The following PPP1R2 variants were observed in gnomAD, a reference collection of about 807,000 sequenced individuals.
PPP1R2 encodes the protein protein phosphatase 1 regulatory inhibitor subunit 2.
In PPP1R2, 16 loss-of-function variants were observed where a neutral mutation model predicts 29.9. That is an observed-to-expected ratio of 0.53 (90% CI 0.36 to 0.81). The LOEUF (loss-of-function observed/expected upper bound fraction) is 0.81. PPP1R2 is among the 30% of genes least tolerant of loss of function. The pLI, the probability that PPP1R2 is intolerant of heterozygous loss-of-function variation, is 0.00. For synonymous variants in PPP1R2, 76 were observed against 91.5 expected (o/e 0.83, Z 0.96); for missense variants, 197 against 252.7 (o/e 0.78, Z 1.49).
Position 195,524,303 on chromosome 3 carries a change from CTT to C in PPP1R2, c.308+514_308+515del, listed in dbSNP as rs376008701. Among the ~76,000 whole-genome samples, 732 of 152,312 alleles carry C rather than the reference CTT, an allele frequency of 4.8e-3. 11 individuals carry two copies. Among genetic ancestry groups the C allele is most frequent in the African/African-American group, 0.017 (706 of 41,562 alleles). The stretch of plus-strand genomic sequence containing the variant: ...TTAGGAGGCTGAAACCAGCGGATCT[CTT>C]GAGGTCAAGAGTTCGAGACCAGCCT... On this transcript the variant is annotated intron_variant, in intron 3 of 5. Transcript: ENST00000618156.
At chr3:195,537,234 G>A (rs1719424000) in intron 1 of PPP1R2, among the ~76,000 whole-genome samples, 2 of 151,878 alleles carry the variant, frequency 1.3e-5, no homozygotes, top group South Asian at 2.1e-4. Flanking sequence ...CTTAATGACT[G>A]TATAAGATTC....
intron 2 of PPP1R2, chr3:195,527,977 T>C (rs1719035650): frequency 3.1e-6 from 1 of 321,266 alleles, no homozygotes; most frequent in Non-Finnish European, 6.1e-6. Flanking sequence ...ATTGTAATTT[T>C]ATTGTTTTTC....
At chr3:195,518,866 C>T in intron 5 of PPP1R2, 152 bp downstream of exon 5, 3 of 1,136,318 alleles carry the variant, frequency 2.6e-6, no homozygotes, top group Non-Finnish European at 3.7e-6. Context: ...CTGAAATTGG[C>T]CATGCGGGTT....
intron 1 of PPP1R2, among the ~76,000 whole-genome samples, chr3:195,533,993 C>T (rs1272737164): frequency 2.0e-5 from 3 of 152,110 alleles, no homozygotes; most frequent in East Asian, 1.9e-4. Flanking sequence ...AGGCTGCAGA[C>T]GAGTTCCCAG....
intron 2 of PPP1R2, 22 bp downstream of exon 2, chr3:195,529,772 A>C: frequency 6.8e-7 from 1 of 1,475,802 alleles, no homozygotes; most frequent in Non-Finnish European, 9.2e-7. Context: ...TCACAAGAGG[A>C]ATGACGTCTA....
chr3:195,533,219 C>A (rs1719252703), intron 1 of PPP1R2, among the ~76,000 whole-genome samples: 1 of 152,076 alleles, frequency 6.6e-6, no homozygotes, highest in Non-Finnish European at 1.5e-5. Flanking sequence ...GTGGCTTGCG[C>A]TTGTAGTCCT....
chr3:195,528,074 T>C (rs1719040522), intron 2 of PPP1R2, among the ~76,000 whole-genome samples: 2 of 152,156 alleles, frequency 1.3e-5, no homozygotes, highest in African/African-American at 4.8e-5. Flanking sequence ...TGGTAATTGC[T>C]GAGATTTTGG....
At chr3:195,538,230 T>C (rs956845036) in intron 1 of PPP1R2, among the ~76,000 whole-genome samples, 2 of 152,234 alleles carry the variant, frequency 1.3e-5, no homozygotes, top group East Asian at 3.8e-4. Context: ...CACTTTTACT[T>C]TGTTAGCTCA....
Position 195,543,272 on chromosome 3 carries a change from C to G in PPP1R2, c.-247G>C, listed in dbSNP as rs1424543351. ...AGCCACTGGCACTTGACCCGCGGCT[C>G]GCGGAGAGACGCCGGCCTAGAGCTC... On this transcript the variant is annotated 5_prime_UTR_variant, in exon 1 of 6. Transcript: ENST00000618156. 7 of 381,846 alleles carry G rather than the reference C, an allele frequency of 1.8e-5. No individual in the cohort carries two copies. Among genetic ancestry groups the G allele is most frequent in the African/African-American group, 1.1e-4 (5 of 47,378 alleles). The allele number at this position is 381,846 out of a possible 1,614,324, so 23.7% of individuals were successfully genotyped here.
At chr3:195,518,248 A>C (rs1049118618) in intron 5 of PPP1R2, among the ~76,000 whole-genome samples, 1 of 152,204 alleles carries the variant, frequency 6.6e-6, no homozygotes, top group African/African-American at 2.4e-5. Flanking sequence ...AAAAAATAAA[A>C]ACAAAAACAG....
intron 1 of PPP1R2, among the ~76,000 whole-genome samples, chr3:195,535,496 G>A (rs528225665): frequency 3.2e-4 from 48 of 152,332 alleles, no homozygotes; most frequent in African/African-American, 1.1e-3. Flanking sequence ...CGGGATTTAC[G>A]ACAGTGCCAA....
chr3:195,531,986 C>T (rs1329248072), intron 1 of PPP1R2, among the ~76,000 whole-genome samples: 2 of 152,180 alleles, frequency 1.3e-5, no homozygotes, highest in Admixed American at 6.5e-5. Context: ...GCGTATCTCA[C>T]TAAGCATAAT....
rs561043822 is a variant in PPP1R2 at position 195,524,883 on chromosome 3, C to T, written c.244G>A (p.Asp82Asn). Residue 82 changes from aspartate to asparagine, a missense_variant, in exon 3 of 6, where the codon GAT becomes AAT. Physicochemically the swap from Asp to Asn is conservative, Grantham distance 23. Around this residue, in one of 3 missense-constraint regions of PPP1R2, gnomAD observed 135 missense variants for 163.0 expected, o/e 0.83. Coordinates refer to ENST00000618156, the MANE Select transcript of PPP1R2 (RefSeq NM_006241.8). ...TCGGTGTCACTACAGGCATCTTCAT[C>T]ATCCCCCATCATACTAGTATGACAA... Reference protein sequence around the residue: ...STPYHSMMGDDEDACSDTEAT... With the variant: ...STPYHSMMGDNEDACSDTEAT... 6.5e-5 allele frequency: 105 copies of T among 1,613,968 alleles called. No individual in the cohort carries two copies. Among genetic ancestry groups the T allele is most frequent in the Non-Finnish European group, 8.6e-5 (101 of 1,179,954 alleles).
chr3:195,542,570 A>G (rs1008871394), intron 1 of PPP1R2, among the ~76,000 whole-genome samples: 2 of 152,230 alleles, frequency 1.3e-5, no homozygotes, highest in Admixed American at 6.5e-5. Context: ...AATTTTAGAT[A>G]CCTCAGAGAT....
chr3:195,523,559 T>C (rs1017185438), intron 4 of PPP1R2, 133 bp downstream of exon 4: 5 of 680,466 alleles, frequency 7.3e-6, no homozygotes, highest in African/African-American at 5.4e-5. Flanking sequence ...ATCTGAATTA[T>C]AAAGATGTTG....
chr3:195,529,800 T>A lies in PPP1R2; in HGVS notation c.224A>T (p.Tyr75Phe). 1 of 1,591,624 alleles carries A rather than the reference T, an allele frequency of 6.3e-7. No homozygotes were observed. The highest frequency in any genetic ancestry group is 1.3e-5 in the African/African-American group (1 of 74,166). The change falls in exon 2 of 6, where the codon TAC becomes TTC. Residue 75 changes from tyrosine to phenylalanine, a missense_variant. This residue lies in a region of PPP1R2 where 135 missense variants were observed against 163.0 expected (regional missense o/e 0.83). Transcript: ENST00000618156. Reference protein sequence around the residue: ...LMKIDEPSTPYHSMMGDDEDA... With the variant: ...LMKIDEPSTPFHSMMGDDEDA... ...GACGTCTACGTAACATTACCTATGG[T>A]AAGGAGTGCTTGGTTCATCTATTTT... is the stretch of plus-strand genomic sequence containing the variant.
intron 4 of PPP1R2, among the ~76,000 whole-genome samples, chr3:195,522,094 A>G (rs1278485075): frequency 6.6e-6 from 1 of 152,262 alleles, no homozygotes; most frequent in East Asian, 1.9e-4. Context: ...GTTAGTATTT[A>G]GTGAGTGCTC....
At chr3:195,525,719 T>C (rs1718946337) in intron 2 of PPP1R2, among the ~76,000 whole-genome samples, 1 of 152,114 alleles carries the variant, frequency 6.6e-6, no homozygotes, top group African/African-American at 2.4e-5. Flanking sequence ...TGCTCCCCAC[T>C]TCAATGCAAA....
chr3:195,516,827 C>T lies in PPP1R2; in HGVS notation c.*69G>A. 7.3e-7 allele frequency: 1 copy of T among 1,375,360 alleles called. No individual in the cohort carries two copies. The highest frequency in any genetic ancestry group is 1.2e-5 in the South Asian group (1 of 84,430). The allele number at this position is 1,375,360 out of a possible 1,614,324, so 85.2% of individuals were successfully genotyped here. ...TACTTAAGTCATGAATTGTGAAGAA[C>T]AAGAAGCAACGTACTATAGTCACAG... On this transcript the variant is annotated 3_prime_UTR_variant, in exon 6 of 6. Coordinates refer to ENST00000618156, the MANE Select transcript of PPP1R2 (RefSeq NM_006241.8).
Sources: allele counts gnomAD v4.1 joint callset (sites outside exome capture counted in the v4.1 genomes callset), GRCh38; gene constraint gnomAD v4.1.1; regional missense constraint gnomAD v4.1.1; transcripts MANE v1.5; gene names NCBI Gene and HGNC (gene_info 2026-07-23, HGNC 2026-07-21).